The following PYROXD1 variants were observed in gnomAD, a reference collection of about 807,000 sequenced individuals.
The protein encoded by PYROXD1 is tRNA ligase complex-associated NAD(P)H dehydrogenase PYROXD1.
PYROXD1 carries 42 observed loss-of-function variants against 62.0 expected under a neutral mutation model. The ratio of observed to expected loss-of-function variants is 0.68; its 90% CI spans 0.53 to 0.88. PYROXD1 has a LOEUF of 0.88. PYROXD1 is among the 40% of genes least tolerant of loss of function. The probability of loss-of-function intolerance (pLI) is 0.00; values close to 1 mark genes in which losing one functional copy is unlikely to be tolerated. For missense variants in PYROXD1, 493 were observed against 604.8 expected, an observed-to-expected ratio of 0.82 and a Z score of 1.94; for synonymous variants, 170 against 206.4, an observed-to-expected ratio of 0.82 and a Z score of 1.51.
intron 10 of PYROXD1, among the ~76,000 whole-genome samples, chr12:21,464,234 G>A (rs1302083163): frequency 6.6e-6 from 1 of 151,532 alleles, no homozygotes; most frequent in Admixed American, 6.6e-5. Flanking sequence ...TAAACAGATG[G>A]CCTTGTTTTG....
intron 7 of PYROXD1, chr12:21,456,946 C>G (rs1039253345): frequency 2.3e-6 from 1 of 438,636 alleles, no homozygotes; most frequent in Non-Finnish European, 4.5e-6. Flanking sequence ...AACAACAACT[C>G]ATCTTTTCAA....
intron 11 of PYROXD1, 108 bp downstream of exon 11, chr12:21,467,726 T>C: frequency 1.2e-6 from 1 of 852,932 alleles, no homozygotes; most frequent in East Asian, 2.6e-5. Flanking sequence ...TTTAATCATC[T>C]ACAAAAAAAT....
intron 7 of PYROXD1, 30 bp from the exon 8 acceptor site, chr12:21,460,994 AT>A: frequency 7.2e-7 from 1 of 1,383,548 alleles, no homozygotes; most frequent in South Asian, 1.5e-5. Context: ...TTCTGTAAGT[AT>A]TATGCTAACC....
chr12:21,462,745 T>C lies in PYROXD1; in HGVS notation c.999T>C (p.Asp333=). Residue 333 remains aspartate (D), a synonymous_variant, in exon 10 of 12, where the codon GAT becomes GAC. Coordinates refer to ENST00000240651, the MANE Select transcript of PYROXD1 (RefSeq NM_024854.5). The stretch of plus-strand genomic sequence containing the variant: ...TTATGAGGAATGTTGTTTAGTTTGA[T>C]CTAGGAGAAGATGGTGGCCTGAAAG... ...VEPFLHGNSF[D]LGEDGGLKVD... 6.2e-7 allele frequency: 1 copy of C among 1,613,864 alleles called. No homozygotes were observed. The highest frequency in any genetic ancestry group is 8.5e-7 in the Non-Finnish European group (1 of 1,179,874).
At chr12:21,462,719 C>T in intron 9 of PYROXD1, 21 bp from the exon 10 acceptor site, 1 of 1,612,380 alleles carries the variant, frequency 6.2e-7, no homozygotes, top group Non-Finnish European at 8.5e-7. Context: ...ACACTTAACG[C>T]TTATGAGGAA....
chr12:21,442,243 C>T (rs983919156), intron 2 of PYROXD1, among the ~76,000 whole-genome samples: 6 of 152,096 alleles, frequency 3.9e-5, no homozygotes, highest in Admixed American at 2.0e-4. Context: ...CAGGCATACA[C>T]GGAGGAATTA....
At chr12:21,452,055 A>C in intron 4 of PYROXD1, 26 bp from the exon 5 acceptor site, 1 of 1,353,754 alleles carries the variant, frequency 7.4e-7, no homozygotes, top group Non-Finnish European at 1.0e-6. Context: ...ACAAAATACT[A>C]CCTCATTATT....
chr12:21,466,699 G>A (rs1004805313), intron 10 of PYROXD1, among the ~76,000 whole-genome samples: 1 of 152,146 alleles, frequency 6.6e-6, no homozygotes, highest in Admixed American at 6.5e-5. Context: ...CCAACACTAT[G>A]TTGAATAGGA....
rs1202450295 is a variant in PYROXD1, at chr12:21,471,181, C to T, written c.*2427C>T. The T allele has an allele frequency of 3.8e-6, 5 of 1,311,418 alleles. No homozygotes were observed. The highest frequency in any genetic ancestry group is 5.2e-6 in the Non-Finnish European group (5 of 968,696). 81.2% of individuals were successfully genotyped at this position (1,311,418 alleles called of 1,614,324 possible). A position where few individuals can be genotyped will look rare whatever the true frequency, so the allele number is the denominator to read the frequency against. On this transcript the variant is annotated 3_prime_UTR_variant, in exon 12 of 12. Coordinates refer to ENST00000240651, the MANE Select transcript of PYROXD1 (RefSeq NM_024854.5). The stretch of plus-strand genomic sequence containing the variant: ...TTTATAAAAGAAATAACTATATGCG[C>T]AGTAATTCTTAACACATTGACTTGA...
chr12:21,465,071 G>GT (rs1255536357), intron 10 of PYROXD1, among the ~76,000 whole-genome samples: 3 of 152,100 alleles, frequency 2.0e-5, no homozygotes, highest in Non-Finnish European at 2.9e-5. Flanking sequence ...GTCTATCATT[G>GT]TTGGACATTT....
At chr12:21,455,009 T>C in intron 5 of PYROXD1, 123 bp from the exon 6 acceptor site, 1 of 456,622 alleles carries the variant, frequency 2.2e-6, no homozygotes, top group South Asian at 8.3e-5. Flanking sequence ...ATAATCAATC[T>C]TTCCCAGTTA....
chr12:21,470,313 C>G lies in PYROXD1; in HGVS notation c.*1559C>G, dbSNP rs541752188. 1.3e-6 allele frequency: 2 copies of G among 1,581,056 alleles called. No homozygotes were observed. The highest frequency in any genetic ancestry group is 3.6e-5 in the Admixed American group (2 of 55,634). On this transcript the variant is annotated 3_prime_UTR_variant, in exon 12 of 12. Coordinates refer to ENST00000240651, the MANE Select transcript of PYROXD1 (RefSeq NM_024854.5). Reference sequence around the variant, plus strand: ...TTTTTTTCCTCCATCTTTTTATCACCTTGTTCAGAATGACAAGTTTGAGAC... The same window carrying G: ...TTTTTTTCCTCCATCTTTTTATCACGTTGTTCAGAATGACAAGTTTGAGAC...
intron 4 of PYROXD1, among the ~76,000 whole-genome samples, chr12:21,450,641 C>T (rs973107921): frequency 6.6e-6 from 1 of 152,142 alleles, no homozygotes; most frequent in Non-Finnish European, 1.5e-5. Flanking sequence ...GTTGTTCTGT[C>T]TCATGACATG....
rs1942369264 is a variant in PYROXD1 at position 21,445,464 on chromosome 12, C to A, written c.283C>A (p.His95Asn). 6.3e-7 allele frequency: 1 copy of A among 1,582,892 alleles called. No homozygotes were observed. The highest frequency in any genetic ancestry group is 1.4e-5 in the African/African-American group (1 of 73,138). Reference sequence around the variant, plus strand: ...CGTAAAGCAACTGAAGAGTGAAGAACACGTAAGATAATTGTTTTCTTAATA... The same window carrying A: ...CGTAAAGCAACTGAAGAGTGAAGAAAACGTAAGATAATTGTTTTCTTAATA... ...SGVKQLKSEEHCIVTEDGNQH... is the reference protein window; with the variant it reads ...SGVKQLKSEENCIVTEDGNQH... Residue 95 changes from histidine (H) to asparagine (N), a missense_variant and splice_region_variant, in exon 3 of 12, where the codon CAC (histidine) becomes AAC (asparagine). His to Asn is a moderately conservative substitution (Grantham distance 68). Transcript: ENST00000240651.
chr12:21,455,305 C>T lies in PYROXD1; in HGVS notation c.649+13C>T, dbSNP rs1942575537. Reference sequence around the variant, plus strand: ...TATACAACTGAAGGTAAGTGTAGCACCTAGCTCATTAATTCTCATACAAAA... The same window carrying T: ...TATACAACTGAAGGTAAGTGTAGCATCTAGCTCATTAATTCTCATACAAAA... On this transcript the variant is annotated intron_variant, in intron 6 of 11. Transcript: ENST00000240651. 1 of 1,423,360 alleles carries T rather than the reference C, an allele frequency of 7.0e-7. No homozygotes were observed. Among genetic ancestry groups the T allele is most frequent in the Non-Finnish European group, 9.3e-7 (1 of 1,078,334 alleles). The allele number at this position is 1,423,360 out of a possible 1,614,324, so 88.2% of individuals were successfully genotyped here.
At position 21,455,201 on chromosome 12, in the gene PYROXD1, T is replaced by G; in HGVS notation, c.558T>G (p.Asp186Glu). 19 of 1,577,660 alleles carry G rather than the reference T, an allele frequency of 1.2e-5. No homozygotes were observed. The highest frequency in any genetic ancestry group is 1.6e-5 in the Non-Finnish European group (19 of 1,161,720). Reference sequence around the variant, plus strand: ...AAGCTATAGGGAATACTTTCTTCGATGCAGGAGCAGCTGAATTCTTGACTT... The same window carrying G: ...AAGCTATAGGGAATACTTTCTTCGAGGCAGGAGCAGCTGAATTCTTGACTT... The part of the protein sequence containing the change: ...KDKAIGNTFF[D>E]AGAAEFLTSK... The change falls in exon 6 of 12, where the codon GAT becomes GAG. Residue 186 changes from aspartate (D) to glutamate (E), a missense_variant. By Grantham distance (45) the Asp-to-Glu change is conservative. Transcript: ENST00000240651.
rs1430064148 is a variant in PYROXD1, at chr12:21,463,079, A to C, written c.1116+217A>C. Among the ~76,000 whole-genome samples, 4 of 152,294 alleles carry C rather than the reference A, an allele frequency of 2.6e-5. No homozygotes were observed. In the East Asian group the frequency reaches 5.8e-4, roughly 22 times the overall value. On this transcript the variant is annotated intron_variant, in intron 10 of 11. Coordinates refer to ENST00000240651, the MANE Select transcript of PYROXD1 (RefSeq NM_024854.5). ...ACTGAGACATCTTTTACTTTAAAAG[A>C]AATTATGGGCTATTACTTTGTTTTT...
intron 10 of PYROXD1, among the ~76,000 whole-genome samples, chr12:21,463,692 CAAAA>C (rs11325981): frequency 7.4e-6 from 1 of 135,994 alleles, no homozygotes. Context: ...AACTCTGTCT[CAAAA>C]AAAAAAAAAA....
intron 7 of PYROXD1, among the ~76,000 whole-genome samples, chr12:21,459,131 A>G (rs554438916): frequency 2.0e-4 from 30 of 152,218 alleles, no homozygotes; most frequent in Non-Finnish European, 3.2e-4. Flanking sequence ...GTTAGCCCCT[A>G]GGTGGCTTCA....
Sources: allele counts gnomAD v4.1 joint callset (sites outside exome capture counted in the v4.1 genomes callset), GRCh38; gene constraint gnomAD v4.1.1; transcripts MANE v1.5; gene names NCBI Gene and HGNC (gene_info 2026-07-23, HGNC 2026-07-21).